The following RBM45 variants were observed in gnomAD, a reference collection of about 807,000 sequenced individuals.
RBM45 encodes RNA binding motif protein 45.
In RBM45, 39 loss-of-function variants were observed where a neutral mutation model predicts 58.5. That is an observed-to-expected ratio of 0.67 (90% CI 0.52 to 0.87). The LOEUF (loss-of-function observed/expected upper bound fraction) is 0.87. Ranked by LOEUF, RBM45 falls within the 40% of genes least tolerant of loss-of-function variation. The pLI, the probability that RBM45 is intolerant of heterozygous loss-of-function variation, is 0.00. For synonymous variants in RBM45, 193 were observed against 203.0 expected (o/e 0.95, Z 0.42); for missense variants, 481 against 581.6 (o/e 0.83, Z 1.78).
At chr2:178,129,229 G>A (rs866182038) in intron 9 of RBM45, among the ~76,000 whole-genome samples, 168 bp from the exon 10 acceptor site, 5 of 152,096 alleles carry the variant, frequency 3.3e-5, no homozygotes, top group Non-Finnish European at 7.3e-5. Context: ...CACCTGCATC[G>A]CCCTTCTTAG....
chr2:178,113,504 CCTTT>C (rs2087732385), intron 1 of RBM45, among the ~76,000 whole-genome samples: 2 of 152,084 alleles, frequency 1.3e-5, no homozygotes, highest in African/African-American at 4.8e-5. Flanking sequence ...GGTTCTTGAC[CCTTT>C]CTGTTACTGC....
chr2:178,130,216 A>T (rs975862884), downstream of RBM45, among the ~76,000 whole-genome samples: 8 of 152,206 alleles, frequency 5.3e-5, no homozygotes, highest in Non-Finnish European at 8.8e-5. Context: ...AGTTATTTTG[A>T]AATTAAAGAT....
At chr2:178,127,379 T>A (rs140342898) in intron 9 of RBM45, among the ~76,000 whole-genome samples, 1 of 152,196 alleles carries the variant, frequency 6.6e-6, no homozygotes, top group African/African-American at 2.4e-5. Context: ...TTGAAACCTT[T>A]ATTTTTTTCA....
At chr2:178,129,005 C>T (rs923897423) in intron 9 of RBM45, among the ~76,000 whole-genome samples, 9 of 152,056 alleles carry the variant, frequency 5.9e-5, no homozygotes, top group Non-Finnish European at 1.2e-4. Context: ...TTTCTTTTAT[C>T]TCTGAGGTAT....
At chr2:178,136,953 A>G (rs1416579909) in exon 4 of RBM45, 2 of 152,242 alleles carry the variant, frequency 1.3e-5, no homozygotes, top group Non-Finnish European at 2.9e-5. Context: ...AGATTTGAAC[A>G]AGCACTTCAC....
chr2:178,123,682 G>A (rs778777524), intron 6 of RBM45, 31 bp downstream of exon 6: 26 of 1,587,274 alleles, frequency 1.6e-5, no homozygotes, highest in Admixed American at 7.3e-5. Context: ...GTCTAAAGCC[G>A]AGCTTTGAGT....
chr2:178,112,515 G>C lies in RBM45; in HGVS notation c.-32G>C, dbSNP rs1261843632. The stretch of plus-strand genomic sequence containing the variant: ...GTGGCAGACACCGCAGAAGCAAAGA[G>C]CAGTGAGGCTCCTGCATTCGGGTGG... On this transcript the variant is annotated 5_prime_UTR_variant, in exon 1 of 10. Transcript: ENST00000286070. The C allele has an allele frequency of 6.3e-7, 1 of 1,591,428 alleles. No homozygotes were observed. The highest frequency in any genetic ancestry group is 1.1e-5 in the South Asian group (1 of 88,762).
At chr2:178,125,437 G>T (rs1015295527) in intron 8 of RBM45, among the ~76,000 whole-genome samples, 4 of 152,182 alleles carry the variant, frequency 2.6e-5, no homozygotes, top group African/African-American at 4.8e-5. Flanking sequence ...GAAGGTGTAT[G>T]TGGAGACCTG....
chr2:178,130,343 T>C (rs2087993478), downstream of RBM45, among the ~76,000 whole-genome samples: 1 of 151,956 alleles, frequency 6.6e-6, no homozygotes, highest in African/African-American at 2.4e-5. Flanking sequence ...CTGGGCAACA[T>C]AGAGGACCCG....
At chr2:178,120,261 A>T (rs1407486590) in intron 3 of RBM45, 26 bp from the exon 4 acceptor site, 1 of 1,611,484 alleles carries the variant, frequency 6.2e-7, no homozygotes, top group East Asian at 2.2e-5. Flanking sequence ...TTGCTGTGAA[A>T]CTTGAAATTC....
chr2:178,127,327 A>C (rs1373749517), intron 9 of RBM45, among the ~76,000 whole-genome samples: 1 of 152,236 alleles, frequency 6.6e-6, no homozygotes, highest in Non-Finnish European at 1.5e-5. Flanking sequence ...GGTCAAATGT[A>C]GTAGATGGCA....
At chr2:178,130,682 T>C (rs1196772991), downstream of RBM45, among the ~76,000 whole-genome samples, 1 of 152,238 alleles carries the variant, frequency 6.6e-6, no homozygotes, top group African/African-American at 2.4e-5. Flanking sequence ...TAAAAAGGTA[T>C]TATAAATGAC....
At chr2:178,135,687 A>G (rs567631332) in intron 3 of RBM45, among the ~76,000 whole-genome samples, 69 of 152,348 alleles carry the variant, frequency 4.5e-4, no homozygotes, top group African/African-American at 1.6e-3. Context: ...TCTTGTTGAT[A>G]TTATTAGCCT....
chr2:178,117,967 G>A (rs1004440578), intron 2 of RBM45, 88 bp from the exon 3 acceptor site: 2 of 1,024,512 alleles, frequency 2.0e-6, no homozygotes, highest in Non-Finnish European at 1.3e-6. Flanking sequence ...TTGCATGCAA[G>A]GGTCACATAT....
chr2:178,132,351 A>G (rs1425562448), downstream of RBM45, among the ~76,000 whole-genome samples: 2 of 152,234 alleles, frequency 1.3e-5, no homozygotes, highest in Non-Finnish European at 1.5e-5. Flanking sequence ...ATAAAAAGGT[A>G]GTGAAAAATA....
At chr2:178,132,026 AAC>A (rs920306523), downstream of RBM45, among the ~76,000 whole-genome samples, 2 of 152,224 alleles carry the variant, frequency 1.3e-5, no homozygotes, top group African/African-American at 4.8e-5. Flanking sequence ...TAAAACTGCC[AAC>A]ACAGTGAAGT....
At chr2:178,124,085 A>G in intron 7 of RBM45, 42 bp from the exon 8 acceptor site, 1 of 1,563,472 alleles carries the variant, frequency 6.4e-7, no homozygotes. Flanking sequence ...AAAATCCCTA[A>G]AGGGCATTTT....
At chr2:178,124,389 G>C in intron 8 of RBM45, 99 bp downstream of exon 8, 1 of 660,864 alleles carries the variant, frequency 1.5e-6, no homozygotes, top group South Asian at 3.7e-5. Context: ...ATCAAGTAGA[G>C]AGTATTAGTT....
At chr2:178,136,666 G>C (rs138074602) in exon 4 of RBM45, 5 of 152,084 alleles carry the variant, frequency 3.3e-5, no homozygotes, top group Non-Finnish European at 7.3e-5. Flanking sequence ...GGTTGGGGTC[G>C]GGGGGGTGCG....
Sources: gnomAD v4.1 joint callset for allele counts (sites outside exome capture counted in the v4.1 genomes callset) on GRCh38, gnomAD v4.1.1 for gene constraint, MANE v1.5 for transcripts, NCBI Gene and HGNC (gene_info 2026-07-23, HGNC 2026-07-21) for gene names.